Variants in AK8 observed in about 807,000 individuals in gnomAD.
The protein encoded by AK8 is adenylate kinase 8, also known as ATP-AMP transphosphorylase 8.
In AK8, 44 loss-of-function variants were observed where a neutral mutation model predicts 54.6. That is an observed-to-expected ratio of 0.81 (90% CI 0.63 to 1.04). The LOEUF is 1.04. Among genes scored for constraint, AK8 ranks in the 50% least tolerant of loss-of-function variants. The pLI, the probability that AK8 is intolerant of heterozygous loss-of-function variation, is 0.00. For missense variants in AK8, 555 were observed against 613.6 expected (o/e 0.90, Z 1.01); for synonymous variants, 239 against 245.6 (o/e 0.97, Z 0.25).
At chr9:132,759,604 T>C (rs1389773946) in intron 11 of AK8, among the ~76,000 whole-genome samples, 1 of 152,228 alleles carries the variant, frequency 6.6e-6, no homozygotes, top group Non-Finnish European at 1.5e-5. Context: ...CTACCTGGAA[T>C]TGATTGTTAC....
At position 132,827,902 on chromosome 9, in the gene AK8, C is replaced by T; in HGVS notation, c.556+111G>A. 4.7e-6 allele frequency: 5 copies of T among 1,069,290 alleles called. No individual in the cohort carries two copies. In the South Asian group the frequency reaches 7.9e-5, roughly 17 times the overall value. 66.2% of individuals were successfully genotyped at this position (1,069,290 alleles called of 1,614,324 possible). A position where few individuals can be genotyped will look rare whatever the true frequency, so the allele number is the denominator to read the frequency against. ...CAGCCTGTGGCAGCCTTCCTCGTGT[C>T]CCTCTGTGGGTGCCCAGAGCAGAAT... On this transcript the variant is annotated intron_variant, in intron 7 of 12. Transcript: ENST00000298545.
intron 10 of AK8, among the ~76,000 whole-genome samples, chr9:132,812,206 T>C (rs1841045499): frequency 6.6e-6 from 1 of 151,546 alleles, no homozygotes; most frequent in Admixed American, 6.6e-5. Context: ...TACTCCGCCA[T>C]TGCTGCTGCT....
In AK8 at chr9:132,849,632, C is replaced by T. The variant is rs561114697; in HGVS notation, c.402+5225G>A. Among the ~76,000 whole-genome samples the T allele has an allele frequency of 5.3e-5, 8 of 152,254 alleles. 1 individual carries two copies. Among genetic ancestry groups the T allele is most frequent in the South Asian group, 2.1e-4 (1 of 4,822 alleles). Reference sequence around the variant, plus strand: ...TTCAGAGCCAGTGTTGCAGCCCGGCCGGCAGGGTGTTTGTGATGGAGATCC... The same window carrying T: ...TTCAGAGCCAGTGTTGCAGCCCGGCTGGCAGGGTGTTTGTGATGGAGATCC... On this transcript the variant is annotated intron_variant, in intron 5 of 12. Transcript: ENST00000298545.
chr9:132,811,425 C>T (rs1840998845), intron 10 of AK8, among the ~76,000 whole-genome samples: 1 of 152,176 alleles, frequency 6.6e-6, no homozygotes, highest in Admixed American at 6.5e-5. Context: ...ACTCTACTGG[C>T]TTTGAAGACA....
At chr9:132,784,790 G>C (rs993427417) in intron 11 of AK8, among the ~76,000 whole-genome samples, 1 of 152,002 alleles carries the variant, frequency 6.6e-6, no homozygotes, top group African/African-American at 2.4e-5. Flanking sequence ...ATGAATCAAA[G>C]ACATAATCCA....
At chr9:132,726,402 C>A (rs1836577134) in intron 12 of AK8, among the ~76,000 whole-genome samples, 1 of 151,978 alleles carries the variant, frequency 6.6e-6, no homozygotes, top group Non-Finnish European at 1.5e-5. Context: ...ACAACCTCTG[C>A]CTCCCAGGCG....
chr9:132,813,937 G>A (rs147999408), intron 10 of AK8, among the ~76,000 whole-genome samples: 4 of 152,294 alleles, frequency 2.6e-5, no homozygotes, highest in African/African-American at 9.6e-5. Context: ...TCTAAGTGCT[G>A]ATTAAATTGG....
At chr9:132,800,899 A>G (rs1373675658) in intron 10 of AK8, among the ~76,000 whole-genome samples, 1 of 150,082 alleles carries the variant, frequency 6.7e-6, no homozygotes, top group South Asian at 2.1e-4. Flanking sequence ...GATGCCCAAC[A>G]GTGAATATTT....
chr9:132,777,461 C>T (rs1839271698), intron 11 of AK8, among the ~76,000 whole-genome samples: 2 of 152,176 alleles, frequency 1.3e-5, no homozygotes, highest in African/African-American at 4.8e-5. Flanking sequence ...GTTCCTTGCC[C>T]CTGCTGCCTC....
rs1040608859 is a variant in AK8 at position 132,781,841 on chromosome 9, C to A, written c.1121+10793G>T. On this transcript the variant is annotated intron_variant, in intron 11 of 12. Transcript: ENST00000298545. This position sits in a 1 kb window ranked among gnomAD's most constrained non-coding sequence, Gnocchi z 4.6. ...TTTAGAATATTTCTCTCTTTCTTAG[C>A]CTGTATCTGAACTTGAAGGTTTACG... 1.3e-5 allele frequency among the ~76,000 whole-genome samples: 2 copies of A among 152,134 alleles called. No individual in the cohort carries two copies. The highest frequency in any genetic ancestry group is 2.4e-5 in the African/African-American group (1 of 41,420).
intron 10 of AK8, among the ~76,000 whole-genome samples, chr9:132,812,564 G>GGGATGACGGGTGAGCT: frequency 9.3e-5 from 1 of 10,786 alleles, no homozygotes; most frequent in East Asian, 3.0e-3. Flanking sequence ...CGCCGCGCCC[G>GGGATGACGGGTGAGCT]GCCGCTAGGT....
At chr9:132,863,997 T>C (rs1429959626) in intron 3 of AK8, among the ~76,000 whole-genome samples, 4 of 152,146 alleles carry the variant, frequency 2.6e-5, no homozygotes, top group Admixed American at 6.5e-5. Context: ...TCTACCAGCA[T>C]AGACTTAAAT....
chr9:132,845,637 C>T (rs1345934711), intron 5 of AK8, among the ~76,000 whole-genome samples: 1 of 151,958 alleles, frequency 6.6e-6, no homozygotes, highest in Admixed American at 6.6e-5. Context: ...AAAAATTAGC[C>T]GGGCATGGTG....
chr9:132,743,001 G>A (rs1166455232), intron 11 of AK8, among the ~76,000 whole-genome samples: 7 of 152,188 alleles, frequency 4.6e-5, no homozygotes, highest in Admixed American at 2.6e-4. Flanking sequence ...TTGTGATTCC[G>A]CTGAAGGAAC....
rs906928091 is a variant in AK8, at chr9:132,799,559, GCA to G, written c.980-6786_980-6785del. Among the ~76,000 whole-genome samples the G allele has an allele frequency of 1.3e-5, 2 of 150,984 alleles. No homozygotes were observed. Among genetic ancestry groups the G allele is most frequent in the Non-Finnish European group, 3.0e-5 (2 of 67,688 alleles). ...GACACACTACAACACACACAGGCAC[GCA>G]CACACACAGACATGTGCTCATGCAC... On this transcript the variant is annotated intron_variant, in intron 10 of 12. Coordinates refer to ENST00000298545, the MANE Select transcript of AK8 (RefSeq NM_152572.3). This position sits in a 1 kb window ranked among gnomAD's most constrained non-coding sequence, Gnocchi z 5.0.
intron 5 of AK8, among the ~76,000 whole-genome samples, chr9:132,840,602 T>C (rs1002437626): frequency 1.3e-5 from 2 of 152,162 alleles, no homozygotes; most frequent in African/African-American, 4.8e-5. Context: ...GTTTCAAAAG[T>C]GCACCACAGG....
intron 4 of AK8, among the ~76,000 whole-genome samples, chr9:132,859,731 G>C (rs1843312376): frequency 6.6e-6 from 1 of 151,896 alleles, no homozygotes; most frequent in African/African-American, 2.4e-5. Context: ...TGTGGGCTTA[G>C]AGACAGGGCC....
At chr9:132,742,174 T>A (rs953949112) in intron 11 of AK8, among the ~76,000 whole-genome samples, 1 of 150,948 alleles carries the variant, frequency 6.6e-6, no homozygotes. Flanking sequence ...TTGGACTTTT[T>A]TTTTTTTTTT....
rs370809704 is a variant in AK8, at chr9:132,827,004, G to T, written c.607C>A (p.Arg203Ser). The change falls in exon 8 of 13, where the codon CGT becomes AGT. Residue 203 changes from arginine to serine, a missense_variant. Transcript: ENST00000298545. ...GAGATGTCCTCTGGCACCATGAGAC[G>T]GTTCTGGATTTCAGATTCGGGTGGC... ...DWPPESEIQN[R>S]LMVPEDISEL... The T allele has an allele frequency of 6.2e-7, 1 of 1,614,240 alleles. No individual in the cohort carries two copies. Among genetic ancestry groups the T allele is most frequent in the South Asian group, 1.1e-5 (1 of 91,082 alleles).
Sources: gnomAD v4.1 joint callset for allele counts (sites outside exome capture counted in the v4.1 genomes callset) on GRCh38, gnomAD v4.1.1 for gene constraint, Gnocchi (gnomAD v3.1) non-coding constraint, MANE v1.5 for transcripts, NCBI Gene and HGNC (gene_info 2026-07-23, HGNC 2026-07-21) for gene names.